Variants in PPM1L observed in about 807,000 individuals in gnomAD.
PPM1L encodes the protein protein phosphatase 1L.
PPM1L carries 13 observed loss-of-function variants against 31.4 expected under a neutral mutation model. The observed-to-expected ratio is 0.41, with a 90% CI of 0.27 to 0.66. The LOEUF (loss-of-function observed/expected upper bound fraction) is 0.66, where lower values mean the gene tolerates loss of function less well. Ranked by LOEUF, PPM1L falls within the 30% of genes least tolerant of loss-of-function variation. The pLI is 0.29. For missense variants in PPM1L, 326 were observed against 453.7 expected (o/e 0.72, Z 2.56); for synonymous variants, 184 against 175.4 (o/e 1.05, Z -0.39).
intron 1 of PPM1L, chr3:160,842,139 T>G: frequency 1.6e-6 from 1 of 631,168 alleles, no homozygotes; most frequent in Non-Finnish European, 2.8e-6. Context: ...AGGAGAGAGA[T>G]TTTGTGTGCG....
chr3:160,768,561 T>C (rs1172421564), intron 1 of PPM1L, among the ~76,000 whole-genome samples: 1 of 152,200 alleles, frequency 6.6e-6, no homozygotes, highest in South Asian at 2.1e-4. Context: ...TAATTTCTAC[T>C]AAAGACAGAA....
chr3:160,974,272 T>C (rs1716473470), intron 2 of PPM1L, among the ~76,000 whole-genome samples: 1 of 151,682 alleles, frequency 6.6e-6, no homozygotes, highest in Admixed American at 6.6e-5. Context: ...AGTCTATCAT[T>C]GTTGGACATT....
rs1298142334 is a variant in PPM1L, at chr3:160,954,896, CTTCCTTCCTTCCTTCCTTCCTTCCTTCT to C, written c.400-6812_400-6785del. Among the ~76,000 whole-genome samples, 222 of 101,730 alleles carry C rather than the reference CTTCCTTCCTTCCTTCCTTCCTTCCTTCT, an allele frequency of 2.2e-3. 1 individual carries two copies. Among genetic ancestry groups the C allele is most frequent in the African/African-American group, 7.6e-3 (197 of 25,772 alleles). 66.7% of individuals were successfully genotyped at this position (101,730 alleles called of 152,430 possible). On this transcript the variant is annotated intron_variant, in intron 1 of 3. Coordinates refer to ENST00000498165, the MANE Select transcript of PPM1L (RefSeq NM_139245.4). Reference sequence around the variant, plus strand: ...CTAGGTTTTTGTTTTCCCTTTCTTTCTTCCTTCCTTCCTTCCTTCCTTCCTTCTTTCCTTCCTTCCTTCCTTCCTTCCT... The same window carrying C: ...CTAGGTTTTTGTTTTCCCTTTCTTTCTTCCTTCCTTCCTTCCTTCCTTCCT...
At chr3:160,769,597 T>C (rs1715194686) in intron 1 of PPM1L, among the ~76,000 whole-genome samples, 1 of 152,050 alleles carries the variant, frequency 6.6e-6, no homozygotes, top group South Asian at 2.1e-4. Flanking sequence ...GTCTGAGTGT[T>C]TGGAGAACAA....
intron 2 of PPM1L, among the ~76,000 whole-genome samples, chr3:160,972,179 A>C (rs1716362552): frequency 6.6e-6 from 1 of 152,042 alleles, no homozygotes; most frequent in Admixed American, 6.6e-5. Context: ...CCAATGTAGA[A>C]AAAATGATAA....
chr3:160,944,101 C>G (rs1715247409), intron 1 of PPM1L, among the ~76,000 whole-genome samples: 1 of 151,978 alleles, frequency 6.6e-6, no homozygotes, highest in Non-Finnish European at 1.5e-5. Flanking sequence ...GGACACTGTT[C>G]CACAGCAGAT....
chr3:160,859,483 A>G (rs773073373), intron 1 of PPM1L, among the ~76,000 whole-genome samples: 59 of 152,316 alleles, frequency 3.9e-4, no homozygotes, highest in Non-Finnish European at 6.6e-4. Flanking sequence ...TATCTGGGAA[A>G]TATCAGTGTA....
chr3:160,801,128 TACACACACACACAC>T (rs10575984), intron 1 of PPM1L, among the ~76,000 whole-genome samples: 205 of 145,684 alleles, frequency 1.4e-3, no homozygotes, highest in African/African-American at 4.6e-3. Flanking sequence ...TGTTTAGTGA[TACACACACACACAC>T]ACACACACAC....
chr3:160,980,628 A>G (rs1431708956), intron 2 of PPM1L, among the ~76,000 whole-genome samples: 1 of 151,912 alleles, frequency 6.6e-6, no homozygotes, highest in Non-Finnish European at 1.5e-5. Context: ...TGATCATGCA[A>G]TAGCACTCCA....
chr3:160,958,202 T>C (rs1479140914), intron 1 of PPM1L, among the ~76,000 whole-genome samples: 1 of 152,212 alleles, frequency 6.6e-6, no homozygotes, highest in East Asian at 1.9e-4. Context: ...TTGCAATTGC[T>C]TTTGGTGTCT....
chr3:160,956,115 A>G (rs1012882701), intron 1 of PPM1L, among the ~76,000 whole-genome samples: 2 of 152,224 alleles, frequency 1.3e-5, no homozygotes, highest in African/African-American at 2.4e-5. Flanking sequence ...CATTCTACCT[A>G]CATTTCCAGA....
chr3:160,894,148 G>A (rs1713254119), intron 1 of PPM1L, among the ~76,000 whole-genome samples: 1 of 152,142 alleles, frequency 6.6e-6, no homozygotes, highest in African/African-American at 2.4e-5. Context: ...AGGTGCAGTT[G>A]TATTCTAAGA....
chr3:160,801,631 G>A (rs1367662773), intron 1 of PPM1L, among the ~76,000 whole-genome samples: 2 of 152,212 alleles, frequency 1.3e-5, no homozygotes, highest in South Asian at 2.1e-4. Flanking sequence ...GTGCCTGCCT[G>A]TTTATGCTGA....
intron 1 of PPM1L, among the ~76,000 whole-genome samples, chr3:160,920,523 A>G (rs1714350541): frequency 1.3e-5 from 2 of 151,312 alleles, no homozygotes; most frequent in Non-Finnish European, 2.9e-5. Flanking sequence ...CCCATCTACC[A>G]AGGATAGACG....
intron 2 of PPM1L, among the ~76,000 whole-genome samples, chr3:161,013,775 G>A (rs1717977252): frequency 1.3e-5 from 2 of 152,196 alleles, no homozygotes; most frequent in African/African-American, 4.8e-5. Context: ...TTACCATTAT[G>A]TAATGACCTT....
chr3:160,973,203 ATTAAAACATTTGGACTGGAGCTGTAT>A (rs1225558227), intron 2 of PPM1L, among the ~76,000 whole-genome samples: 1 of 152,266 alleles, frequency 6.6e-6, no homozygotes, highest in Non-Finnish European at 1.5e-5. Flanking sequence ...ATCTCTAGTG[ATTAAAACATTTGGACTGGAGCTGTAT>A]TTATCTTTTT....
At chr3:160,944,333 TAA>T (rs915659462) in intron 1 of PPM1L, among the ~76,000 whole-genome samples, 4 of 152,028 alleles carry the variant, frequency 2.6e-5, no homozygotes, top group African/African-American at 9.7e-5. Context: ...TAAAGTTGCT[TAA>T]GTTAGTTTTT....
At chr3:161,022,734 G>A (rs1381722946) in intron 2 of PPM1L, among the ~76,000 whole-genome samples, 3 of 135,520 alleles carry the variant, frequency 2.2e-5, no homozygotes, top group South Asian at 4.5e-4. Flanking sequence ...CACAATCTTC[G>A]CTCACTGCAA....
intron 1 of PPM1L, among the ~76,000 whole-genome samples, chr3:160,903,210 G>GTATGTT (rs57262225): frequency 1.0e-5 from 1 of 99,240 alleles, no homozygotes; most frequent in African/African-American, 7.2e-5. Context: ...GTGTATGTTT[G>GTATGTT]TGTGTGTGTG....
Sources: gnomAD v4.1 joint callset for allele counts (sites outside exome capture counted in the v4.1 genomes callset) on GRCh38, gnomAD v4.1.1 for gene constraint, MANE v1.5 for transcripts, NCBI Gene and HGNC (gene_info 2026-07-23, HGNC 2026-07-21) for gene names.